Variants in MME observed in about 807,000 individuals in gnomAD.
MME encodes the protein neprilysin.
A neutral mutation model predicts 113.2 loss-of-function variants in MME; 98 were observed. The observed-to-expected ratio is 0.87, with a 90% CI of 0.74 to 1.02. The LOEUF (loss-of-function observed/expected upper bound fraction) is 1.02. Ranked by LOEUF, MME falls within the 50% of genes least tolerant of loss-of-function variation. The pLI, the probability that MME is intolerant of heterozygous loss-of-function variation, is 0.00. For synonymous variants in MME, 292 were observed against 300.6 expected (o/e 0.97, Z 0.30); for missense variants, 836 against 896.0 (o/e 0.93, Z 0.86).
At chr3:155,148,902 A>G (rs1721721969) in intron 16 of MME, among the ~76,000 whole-genome samples, 1 of 152,162 alleles carries the variant, frequency 6.6e-6, no homozygotes, top group Non-Finnish European at 1.5e-5. Flanking sequence ...GTCTTATGTC[A>G]TTGCCTATCA....
intron 17 of MME, among the ~76,000 whole-genome samples, chr3:155,165,134 G>A (rs144333876): frequency 1.3e-5 from 2 of 151,876 alleles, no homozygotes; most frequent in Non-Finnish European, 2.9e-5. Context: ...TGATACTGAA[G>A]GGTTTTTTTT....
chr3:155,180,341 T>A lies in MME; in HGVS notation c.2154-19T>A, dbSNP rs1211182275. On this transcript the variant is annotated intron_variant, in intron 22 of 22. Coordinates refer to ENST00000360490, the MANE Select transcript of MME (RefSeq NM_007289.4). ...TGAGTATCAAATGCTGACGGTGACTTTTTTTGTTTGTTTCAAAGGATTATT... is the reference window on the plus strand; with the variant it reads ...TGAGTATCAAATGCTGACGGTGACTATTTTTGTTTGTTTCAAAGGATTATT... 5 of 1,602,804 alleles carry A rather than the reference T, an allele frequency of 3.1e-6. No individual in the cohort carries two copies. Among genetic ancestry groups the A allele is most frequent in the Non-Finnish European group, 3.4e-6 (4 of 1,169,942 alleles).
intron 3 of MME, among the ~76,000 whole-genome samples, chr3:155,104,082 C>T (rs377178060): frequency 6.6e-6 from 1 of 152,114 alleles, no homozygotes; most frequent in Non-Finnish European, 1.5e-5. Context: ...TAGGAGTTCA[C>T]GTGCATTATA....
chr3:155,163,386 G>A (rs1026813987), intron 17 of MME, among the ~76,000 whole-genome samples: 1 of 152,154 alleles, frequency 6.6e-6, no homozygotes, highest in Non-Finnish European at 1.5e-5. Context: ...ATTCCAATTT[G>A]TATGCATTCC....
At chr3:155,115,485 A>G (rs756759282) in intron 4 of MME, among the ~76,000 whole-genome samples, 1 of 152,018 alleles carries the variant, frequency 6.6e-6, no homozygotes, top group African/African-American at 2.4e-5. Context: ...CTGGAGTGCA[A>G]TGGTGCTATC....
chr3:155,164,498 C>T (rs3773876), intron 17 of MME, among the ~76,000 whole-genome samples: 40,974 of 151,966 alleles, frequency 0.27, 5,797 homozygotes, highest in African/African-American at 0.32. Flanking sequence ...AAGGGGAGGT[C>T]ATAATTAGCA....
At chr3:155,129,770 A>G (rs1719988456) in intron 8 of MME, among the ~76,000 whole-genome samples, 1 of 152,230 alleles carries the variant, frequency 6.6e-6, no homozygotes, top group African/African-American at 2.4e-5. Flanking sequence ...GGGAGATTCA[A>G]GACAATTCTA....
chr3:155,034,454 G>A (rs1713067581), intron 1 of MME, among the ~76,000 whole-genome samples: 1 of 152,182 alleles, frequency 6.6e-6, no homozygotes, highest in South Asian at 2.1e-4. Flanking sequence ...CAAGAGGTTA[G>A]AAGTGATGTT....
intron 13 of MME, among the ~76,000 whole-genome samples, 186 bp downstream of exon 13, chr3:155,143,757 T>C (rs2108315926): frequency 6.6e-6 from 1 of 152,322 alleles, no homozygotes; most frequent in Non-Finnish European, 1.5e-5. Flanking sequence ...AGTCTAGTTA[T>C]GTTTCTGCTC....
chr3:155,085,891 G>C (rs149690514), intron 3 of MME, among the ~76,000 whole-genome samples: 1 of 152,170 alleles, frequency 6.6e-6, no homozygotes, highest in African/African-American at 2.4e-5. Flanking sequence ...GCAGAAGAGG[G>C]AATTCCAAAC....
intron 22 of MME, among the ~76,000 whole-genome samples, chr3:155,173,285 A>T (rs1407959805): frequency 6.6e-6 from 1 of 151,968 alleles, no homozygotes; most frequent in Non-Finnish European, 1.5e-5. Flanking sequence ...GTACTAGAAC[A>T]CTTAGTCACT....
intron 1 of MME, among the ~76,000 whole-genome samples, chr3:155,080,768 C>T (rs1187907599): frequency 6.6e-6 from 1 of 152,160 alleles, no homozygotes; most frequent in Non-Finnish European, 1.5e-5. Flanking sequence ...TCGATTCCTC[C>T]CCCATATATG....
At chr3:155,174,725 C>A (rs1317707623) in intron 22 of MME, among the ~76,000 whole-genome samples, 1 of 151,884 alleles carries the variant, frequency 6.6e-6, no homozygotes, top group East Asian at 1.9e-4. Context: ...CTATGTCTAA[C>A]CTATTGTTGT....
intron 7 of MME, 32 bp from the exon 8 acceptor site, chr3:155,118,714 G>T (rs1466344835): frequency 2.2e-6 from 3 of 1,378,028 alleles, no homozygotes; most frequent in Non-Finnish European, 3.1e-6. Context: ...TTCACTGAAT[G>T]ATTTATTTTC....
At chr3:155,119,638 A>G (rs1434124164) in intron 8 of MME, among the ~76,000 whole-genome samples, 13 of 147,334 alleles carry the variant, frequency 8.8e-5, no homozygotes, top group African/African-American at 3.3e-4. Context: ...TCATTGTTCA[A>G]TTCCCACCTA....
intron 1 of MME, among the ~76,000 whole-genome samples, chr3:155,064,890 G>A (rs1714338778): frequency 6.6e-6 from 1 of 152,112 alleles, no homozygotes; most frequent in Admixed American, 6.6e-5. Context: ...AACCTTTGGT[G>A]TCCTTTGGCT....
At chr3:155,042,900 T>TTATATATATA (rs1159626877) in intron 1 of MME, among the ~76,000 whole-genome samples, 34 of 62,942 alleles carry the variant, frequency 5.4e-4, no homozygotes, top group East Asian at 1.4e-3. Context: ...ATAGTAGGTT[T>TTATATATATA]TATATATATA....
At chr3:155,059,285 A>G (rs983435267) in intron 1 of MME, among the ~76,000 whole-genome samples, 3 of 151,138 alleles carry the variant, frequency 2.0e-5, no homozygotes, top group African/African-American at 7.3e-5. Context: ...AAAAAAAGGA[A>G]GGATCACTTT....
intron 17 of MME, among the ~76,000 whole-genome samples, chr3:155,161,372 T>A (rs184632533): frequency 8.5e-4 from 129 of 152,246 alleles, no homozygotes; most frequent in African/African-American, 2.9e-3. Flanking sequence ...TTAAGAGAGA[T>A]GATAATCTCA....
Sources: allele counts gnomAD v4.1 joint callset (sites outside exome capture counted in the v4.1 genomes callset), GRCh38; gene constraint gnomAD v4.1.1; transcripts MANE v1.5; gene names NCBI Gene and HGNC (gene_info 2026-07-23, HGNC 2026-07-21).